The following C5orf22 variants were observed in gnomAD, a reference collection of about 807,000 sequenced individuals.
C5orf22 encodes UPF0489 protein C5orf22.
C5orf22 carries 36 observed loss-of-function variants against 48.7 expected under a neutral mutation model. The observed-to-expected ratio is 0.74, with a 90% confidence interval of 0.57 to 0.98. The LOEUF (loss-of-function observed/expected upper bound fraction) is 0.98, where lower values mean the gene tolerates loss of function less well. Ranked by LOEUF, C5orf22 falls within the 50% of genes least tolerant of loss-of-function variation. The pLI, the probability that C5orf22 is intolerant of heterozygous loss-of-function variation, is 0.00. For synonymous variants in C5orf22, 141 were observed against 180.8 expected, an observed-to-expected ratio of 0.78 and a Z score of 1.76; for missense variants, 486 against 521.9, an observed-to-expected ratio of 0.93 and a Z score of 0.67.
rs1206291633 is a variant in C5orf22 at position 31,534,390 on chromosome 5, C to T, written c.200C>T (p.Thr67Ile). ...ATTCCTGTGAATATGCCAGCAGACA[C>T]CGTGTTTGATAAGGAAACACTCTTT... Reference protein sequence around the residue: ...LLIPVNMPADTVFDKETLFGE... With the variant: ...LLIPVNMPADIVFDKETLFGE... Residue 67 changes from threonine (T) to isoleucine (I), a missense_variant, in exon 2 of 9, where the codon ACC becomes ATC. By Grantham distance (89) the Thr-to-Ile change is moderately conservative. Coordinates refer to ENST00000325366, the MANE Select transcript of C5orf22 (RefSeq NM_018356.3). 11 of 1,611,636 alleles carry T rather than the reference C, an allele frequency of 6.8e-6. No homozygotes were observed. The highest frequency in any genetic ancestry group is 2.7e-5 in the African/African-American group (2 of 74,756).
At chr5:31,546,589 G>A (rs1305524053) in intron 7 of C5orf22, among the ~76,000 whole-genome samples, 1 of 152,170 alleles carries the variant, frequency 6.6e-6, no homozygotes, top group African/African-American at 2.4e-5. Context: ...GAGATTTAAT[G>A]GACTTACAGT....
intron 3 of C5orf22, 34 bp downstream of exon 3, chr5:31,535,927 T>C (rs1742045219): frequency 1.9e-6 from 3 of 1,596,796 alleles, no homozygotes; most frequent in Non-Finnish European, 2.6e-6. Flanking sequence ...ATGGAAGTGA[T>C]TGAATGTTTC....
In C5orf22 at chr5:31,532,344, T is replaced by G; in HGVS notation, c.-49T>G. On this transcript the variant is annotated 5_prime_UTR_variant, in exon 1 of 9. Transcript: ENST00000325366. ...GGGATGAGGCGCCGGCTTTCCCGGG[T>G]CTTCTCCAGCTGCCACCGCTTTACT... 2 of 1,591,796 alleles carry G rather than the reference T, an allele frequency of 1.3e-6. No homozygotes were observed. The highest frequency in any genetic ancestry group is 1.7e-6 in the Non-Finnish European group (2 of 1,160,538).
At chr5:31,546,847 A>G (rs184237620) in intron 7 of C5orf22, among the ~76,000 whole-genome samples, 2 of 152,236 alleles carry the variant, frequency 1.3e-5, no homozygotes, top group East Asian at 3.9e-4. Context: ...TGAGATTTGG[A>G]TGGGGACACA....
chr5:31,548,265 C>T (rs1743019567), intron 7 of C5orf22, among the ~76,000 whole-genome samples: 1 of 151,622 alleles, frequency 6.6e-6, no homozygotes, highest in Non-Finnish European at 1.5e-5. Context: ...GGTACCACTG[C>T]ACTCCAGCTT....
At chr5:31,537,813 T>C (rs1194756030) in intron 3 of C5orf22, among the ~76,000 whole-genome samples, 1 of 152,254 alleles carries the variant, frequency 6.6e-6, no homozygotes, top group Non-Finnish European at 1.5e-5. Flanking sequence ...TAGAATTCAC[T>C]GTACACAGTC....
chr5:31,541,913 T>C (rs182632858), intron 6 of C5orf22, among the ~76,000 whole-genome samples: 33 of 152,276 alleles, frequency 2.2e-4, no homozygotes, highest in African/African-American at 6.7e-4. Context: ...TCTTATGGTT[T>C]TATTATTATT....
At chr5:31,544,426 T>TA (rs958665514) in intron 6 of C5orf22, among the ~76,000 whole-genome samples, 3 of 151,370 alleles carry the variant, frequency 2.0e-5, no homozygotes, top group South Asian at 2.1e-4. Context: ...TACTAAAAAA[T>TA]AAAAAAAATT....
intron 1 of C5orf22, among the ~76,000 whole-genome samples, chr5:31,533,036 C>A (rs1348756319): frequency 2.0e-5 from 3 of 152,148 alleles, no homozygotes; most frequent in Non-Finnish European, 4.4e-5. Flanking sequence ...CTCACTGCAA[C>A]CTCCGCCTCC....
chr5:31,542,521 G>C (rs1217002976), intron 6 of C5orf22, among the ~76,000 whole-genome samples: 1 of 149,766 alleles, frequency 6.7e-6, no homozygotes, highest in Non-Finnish European at 1.5e-5. Flanking sequence ...AACACAAGTG[G>C]AAGGGTATTT....
chr5:31,539,043 T>C (rs1452994381), intron 4 of C5orf22, among the ~76,000 whole-genome samples: 1 of 152,198 alleles, frequency 6.6e-6, no homozygotes, highest in Non-Finnish European at 1.5e-5. Flanking sequence ...CCGTGGGTTC[T>C]GTATTCCTGG....
At chr5:31,547,255 A>C (rs1742951861) in intron 7 of C5orf22, among the ~76,000 whole-genome samples, 1 of 152,276 alleles carries the variant, frequency 6.6e-6, no homozygotes, top group African/African-American at 2.4e-5. Flanking sequence ...TGTCTTGGGC[A>C]GTTCTGCCCC....
At chr5:31,533,009 C>T (rs1311002596) in intron 1 of C5orf22, among the ~76,000 whole-genome samples, 1 of 151,966 alleles carries the variant, frequency 6.6e-6, no homozygotes, top group East Asian at 1.9e-4. Flanking sequence ...GACTGGAGTG[C>T]AGTGGCGCGA....
At chr5:31,535,976 C>G (rs1177334363) in intron 3 of C5orf22, 83 bp downstream of exon 3, 3 of 1,374,998 alleles carry the variant, frequency 2.2e-6, no homozygotes, top group Non-Finnish European at 3.0e-6. Flanking sequence ...TCATAAGTCT[C>G]TGCACACAAA....
chr5:31,548,548 T>C (rs1258304895), intron 7 of C5orf22: 1 of 450,384 alleles, frequency 2.2e-6, no homozygotes, highest in Non-Finnish European at 4.4e-6. Context: ...TCATTGTCCA[T>C]GTCATTATCA....
chr5:31,535,411 ATATTTATT>A (rs960919322), intron 2 of C5orf22, among the ~76,000 whole-genome samples: 1 of 152,182 alleles, frequency 6.6e-6, no homozygotes, highest in African/African-American at 2.4e-5. Flanking sequence ...TGACACTTTT[ATATTTATT>A]TATTTATTTA....
intron 2 of C5orf22, chr5:31,534,829 T>C (rs1443936747): frequency 9.2e-6 from 3 of 325,310 alleles, no homozygotes; most frequent in African/African-American, 4.4e-5. Context: ...TCAAAGCCTG[T>C]GGATAGCTGC....
At chr5:31,537,750 T>C (rs1019844552) in intron 3 of C5orf22, among the ~76,000 whole-genome samples, 1 of 152,228 alleles carries the variant, frequency 6.6e-6, no homozygotes, top group African/African-American at 2.4e-5. Flanking sequence ...ATTCAGCTGG[T>C]ATGAGAGAGA....
At chr5:31,551,760 C>G (rs191293104) in intron 8 of C5orf22, among the ~76,000 whole-genome samples, 1 of 152,162 alleles carries the variant, frequency 6.6e-6, no homozygotes, top group Non-Finnish European at 1.5e-5. Flanking sequence ...TGGGATCTTA[C>G]AAAAAGAATG....
Sources: allele counts gnomAD v4.1 joint callset (sites outside exome capture counted in the v4.1 genomes callset), GRCh38; gene constraint gnomAD v4.1.1; transcripts MANE v1.5; gene names NCBI Gene and HGNC (gene_info 2026-07-23, HGNC 2026-07-21).